The following MAPK12 variants were observed in gnomAD, a reference collection of about 807,000 sequenced individuals.
The protein encoded by MAPK12 is MAP kinase 12.
A neutral mutation model predicts 49.1 loss-of-function variants in MAPK12; 49 were observed. The ratio of observed to expected loss-of-function variants is 1.00; its 90% CI spans 0.79 to 1.27. The LOEUF is 1.27. Among genes scored for constraint, MAPK12 ranks in the 50% most tolerant of loss-of-function variants. The pLI, the probability that MAPK12 is intolerant of heterozygous loss-of-function variation, is 0.00. For synonymous variants in MAPK12, 251 were observed against 209.7 expected (o/e 1.20, Z -1.70); for missense variants, 554 against 502.4 (o/e 1.10, Z -0.98).
rs980347044 is a variant in MAPK12 at position 50,255,475 on chromosome 22, G to C, written c.828C>G (p.Ile276Met). The change falls in exon 10 of 12, where the codon ATC becomes ATG. Residue 276 changes from isoleucine to methionine, a missense_variant. By Grantham distance (10) the Ile-to-Met change is conservative. Coordinates refer to ENST00000215659, the MANE Select transcript of MAPK12 (RefSeq NM_002969.6). Reference sequence around the variant, plus strand: ...TACCCAGAGGGCTTGCATTGGTCAGGATAGAGGCAAAATCCTTCTTCTCCA... The same window carrying C: ...TACCCAGAGGGCTTGCATTGGTCAGCATAGAGGCAAAATCCTTCTTCTCCA... ...PELEKKDFAS[I>M]LTNASPLAVN... 3.1e-6 allele frequency: 5 copies of C among 1,613,072 alleles called. No individual in the cohort carries two copies. The African/African-American group carries it at 6.7e-5, about 22-fold the overall frequency.
Position 50,261,501 on chromosome 22 carries a change from A to AGAGCTCATGGCAGGCCCGG in MAPK12, c.-11_8dup (p.Pro4ArgfsTer55). 1 of 1,238,872 alleles carries AGAGCTCATGGCAGGCCCGG rather than the reference A, an allele frequency of 8.1e-7. No individual in the cohort carries two copies. Among genetic ancestry groups the AGAGCTCATGGCAGGCCCGG allele is most frequent in the Middle Eastern group, 3.0e-4 (1 of 3,380 alleles). The allele number at this position is 1,238,872 out of a possible 1,614,324, so 76.7% of individuals were successfully genotyped here. On this transcript the variant is annotated frameshift_variant, in exon 1 of 12. Coordinates refer to ENST00000215659, the MANE Select transcript of MAPK12 (RefSeq NM_002969.6). LOFTEE classifies it high-confidence loss of function. ...AAAAGCCACTGCGGGCGGGCGGCGG[A>AGAGCTCATGGCAGGCCCGG]GAGCTCATGGCAGGCCCGGGAGCTG...
In MAPK12 at chr22:50,257,628, G is replaced by C. The variant is rs1323447860; in HGVS notation, c.315-435C>G. 5.2e-6 allele frequency: 3 copies of C among 573,576 alleles called. No homozygotes were observed. In the African/African-American group the frequency reaches 5.6e-5, roughly 11 times the overall value. The allele number at this position is 573,576 out of a possible 1,614,324, so 35.5% of individuals were successfully genotyped here. A position where few individuals can be genotyped will look rare whatever the true frequency, so the allele number is the denominator to read the frequency against. The stretch of plus-strand genomic sequence containing the variant: ...GAGGGAGGTGCCTGGGGGCGATGGG[G>C]GCGCGGCAAGGCATCTGGGTCAGAG... On this transcript the variant is annotated intron_variant, in intron 3 of 11. Coordinates refer to ENST00000215659, the MANE Select transcript of MAPK12 (RefSeq NM_002969.6).
chr22:50,256,802 A>C (rs1322102282), intron 5 of MAPK12, 133 bp downstream of exon 5: 1 of 1,510,814 alleles, frequency 6.6e-7, no homozygotes, highest in Non-Finnish European at 8.9e-7. Flanking sequence ...GCACCCAGGC[A>C]GGTTCCCACC....
At chr22:50,253,503 C>CTGGCA in intron 11 of MAPK12, 23 bp from the exon 12 acceptor site, 1 of 711,942 alleles carries the variant, frequency 1.4e-6, no homozygotes, top group South Asian at 1.7e-5. Flanking sequence ...GGGGGGCGGG[C>CTGGCA]ACAACAGAGA....
chr22:50,255,784 G>A, intron 8 of MAPK12, 26 bp downstream of exon 8: 1 of 1,612,198 alleles, frequency 6.2e-7, no homozygotes, highest in African/African-American at 1.3e-5. Flanking sequence ...ACCCGCCCCT[G>A]GTGCCGCCCT....
chr22:50,257,896 C>A, intron 3 of MAPK12: 1 of 771,720 alleles, frequency 1.3e-6, no homozygotes, highest in East Asian at 2.4e-5. Flanking sequence ...GTCAGCAGCT[C>A]CAGTTACCGG....
chr22:50,255,739 C>A, intron 8 of MAPK12, 45 bp from the exon 9 acceptor site: 1 of 1,609,050 alleles, frequency 6.2e-7, no homozygotes, highest in Non-Finnish European at 8.5e-7. Context: ...GAGATCAGGG[C>A]CCCCACTGCC....
At chr22:50,259,136 G>A (rs1021696961) in intron 2 of MAPK12, among the ~76,000 whole-genome samples, 6 of 152,162 alleles carry the variant, frequency 3.9e-5, no homozygotes, top group Non-Finnish European at 7.3e-5. Flanking sequence ...TGTAGGAACC[G>A]GCCAGAGTGA....
intron 2 of MAPK12, 89 bp from the exon 3 acceptor site, chr22:50,258,390 C>T: frequency 9.1e-7 from 1 of 1,104,102 alleles, no homozygotes; most frequent in Non-Finnish European, 1.4e-6. Flanking sequence ...GGCAGGAAAC[C>T]CCCTCTGCAG....
Position 50,261,424 on chromosome 22 carries a change from TC to T in MAPK12, c.85del (p.Asp29ThrfsTer58). The stretch of plus-strand genomic sequence containing the variant: ...GGCGCCCGAGCCCACGGGCTGCAGG[TC>T]CCGGTACACGGCGCGCACCTCCCAG... ...TAWEVRAVYR[D>X]LQPVGSGAYG... On this transcript the variant is annotated frameshift_variant, in exon 1 of 12. Transcript: ENST00000215659. LOFTEE classifies it high-confidence loss of function. 8.0e-7 allele frequency: 1 copy of T among 1,257,490 alleles called. No homozygotes were observed. The allele number at this position is 1,257,490 out of a possible 1,614,324, so 77.9% of individuals were successfully genotyped here.
rs1310390804 is a variant in MAPK12 at position 50,253,329 on chromosome 22, G to A, written c.*72C>T. 8.8e-7 allele frequency: 1 copy of A among 1,135,494 alleles called. No individual in the cohort carries two copies. The highest frequency in any genetic ancestry group is 1.3e-6 in the Non-Finnish European group (1 of 768,428). The allele number at this position is 1,135,494 out of a possible 1,614,324, so 70.3% of individuals were successfully genotyped here. A position where few individuals can be genotyped will look rare whatever the true frequency, so the allele number is the denominator to read the frequency against. On this transcript the variant is annotated 3_prime_UTR_variant, in exon 12 of 12. Coordinates refer to ENST00000215659, the MANE Select transcript of MAPK12 (RefSeq NM_002969.6). ...GATGCAAGCCCCAGCCAAGGTCAAG[G>A]TGGCAACGAGAGTCCCCTCTCAGGT...
chr22:50,255,060 C>G lies in MAPK12; in HGVS notation c.1024+137G>C. On this transcript the variant is annotated intron_variant, in intron 11 of 11. Coordinates refer to ENST00000215659, the MANE Select transcript of MAPK12 (RefSeq NM_002969.6). ...CTGCACAGGGCCCACAGGGTCCACA[C>G]AGGCCCTACCCGGAGCCCCCAACTC... The G allele has an allele frequency of 4.0e-6, 6 of 1,509,240 alleles. 1 individual carries two copies. Among genetic ancestry groups the G allele is most frequent in the Non-Finnish European group, 5.3e-6 (6 of 1,129,582 alleles). 93.5% of individuals were successfully genotyped at this position (1,509,240 alleles called of 1,614,324 possible).
rs963460056 is a variant in MAPK12, at chr22:50,255,298, T to C, written c.923A>G (p.His308Arg). The change falls in exon 11 of 12, where the codon CAT becomes CGT. Residue 308 changes from histidine (H) to arginine (R), a missense_variant. Transcript: ENST00000215659. ...GTCGTGCAGGGACTCGAAGTAGGGA[T>C]GGGCCAGCGCCTCGCCTGCCGTCAC... ...QRVTAGEALA[H>R]PYFESLHDTE... The C allele has an allele frequency of 4.3e-6, 7 of 1,613,576 alleles. No homozygotes were observed. Among genetic ancestry groups the C allele is most frequent in the Non-Finnish European group, 5.9e-6 (7 of 1,180,010 alleles).
chr22:50,253,478 CA>C lies in MAPK12; in HGVS notation c.1026del (p.Val343LeufsTer35). On this transcript the variant is annotated frameshift_variant and splice_region_variant, in exon 12 of 12. Transcript: ENST00000215659. LOFTEE classifies it high-confidence loss of function. The stretch of plus-strand genomic sequence containing the variant: ...AAGCTGAGCACCTCTTTGTAAGTAA[CA>C]CCTGGCGGGGGTGGGGGGGCGGGCA... Reference protein sequence around the residue: ...DVDRTLDEWKRVTYKEVLSFK... With the variant: ...DVDRTLDEWKXVTYKEVLSFK... 2 of 627,068 alleles carry C rather than the reference CA, an allele frequency of 3.2e-6. No homozygotes were observed. Among genetic ancestry groups the C allele is most frequent in the Non-Finnish European group, 4.8e-6 (2 of 415,296 alleles). 38.8% of individuals were successfully genotyped at this position (627,068 alleles called of 1,614,324 possible).
Position 50,253,486 on chromosome 22 carries a change from GGGGGT to G in MAPK12, c.1025-11_1025-7del. On this transcript the variant is annotated splice_region_variant and splice_polypyrimidine_tract_variant and intron_variant, in intron 11 of 11. Coordinates refer to ENST00000215659, the MANE Select transcript of MAPK12 (RefSeq NM_002969.6). ...CACCTCTTTGTAAGTAACACCTGGCGGGGGTGGGGGGGCGGGCACAACAGAGAGGG... is the reference window on the plus strand; with the variant it reads ...CACCTCTTTGTAAGTAACACCTGGCGGGGGGGGCGGGCACAACAGAGAGGG... 1 of 1,086,774 alleles carries G rather than the reference GGGGGT, an allele frequency of 9.2e-7. No individual in the cohort carries two copies. Among genetic ancestry groups the G allele is most frequent in the Non-Finnish European group, 1.3e-6 (1 of 746,906 alleles). 67.3% of individuals were successfully genotyped at this position (1,086,774 alleles called of 1,614,324 possible).
Position 50,253,212 on chromosome 22 carries a change from T to C in MAPK12, c.*189A>G. ...AGAGGTCTTGTCCAGAAAGTTCAGG[T>C]GCTCCTCCATGATGGGCGCCCAAGA... On this transcript the variant is annotated 3_prime_UTR_variant, in exon 12 of 12. Coordinates refer to ENST00000215659, the MANE Select transcript of MAPK12 (RefSeq NM_002969.6). 2 of 634,204 alleles carry C rather than the reference T, an allele frequency of 3.2e-6. No homozygotes were observed. Among genetic ancestry groups the C allele is most frequent in the East Asian group, 5.6e-5 (2 of 35,944 alleles). 39.3% of individuals were successfully genotyped at this position (634,204 alleles called of 1,614,324 possible).
Position 50,261,408 on chromosome 22 carries a change from GC to G in MAPK12, c.101del (p.Gly34AlafsTer53). On this transcript the variant is annotated frameshift_variant, in exon 1 of 12. Coordinates refer to ENST00000215659, the MANE Select transcript of MAPK12 (RefSeq NM_002969.6). LOFTEE classifies it high-confidence loss of function. ...RAVYRDLQPV[G>X]SGAYGAVCSA... ...ACCACACCGCGCCGTAGGCGCCCGA[GC>G]CCACGGGCTGCAGGTCCCGGTACAC... The G allele has an allele frequency of 8.2e-7, 1 of 1,225,078 alleles. No individual in the cohort carries two copies. Among genetic ancestry groups the G allele is most frequent in the South Asian group, 1.9e-5 (1 of 52,630 alleles). The allele number at this position is 1,225,078 out of a possible 1,614,324, so 75.9% of individuals were successfully genotyped here.
In MAPK12 at chr22:50,255,228, G is replaced by A. The variant is rs774104532; in HGVS notation, c.993C>T (p.Asp331=). The stretch of plus-strand genomic sequence containing the variant: ...ATTCATCCAGTGTGCGGTCAACGTC[G>A]TCAAAGGAGTCATCATACTTCTGGA... ...PQVQKYDDSF[D]DVDRTLDEWK... is the part of the protein sequence containing the mutation. The change falls in exon 11 of 12, where the codon GAC becomes GAT. Residue 331 remains aspartate, a synonymous_variant. Coordinates refer to ENST00000215659, the MANE Select transcript of MAPK12 (RefSeq NM_002969.6). The A allele has an allele frequency of 1.2e-5, 20 of 1,613,788 alleles. No homozygotes were observed. The highest frequency in any genetic ancestry group is 1.7e-5 in the Admixed American group (1 of 60,004).
rs1384407343 is a variant in MAPK12 at position 50,261,251 on chromosome 22, CT to C, written c.170del (p.Lys57SerfsTer30). On this transcript the variant is annotated frameshift_variant, in exon 2 of 12. Coordinates refer to ENST00000215659, the MANE Select transcript of MAPK12 (RefSeq NM_002969.6). LOFTEE classifies it high-confidence loss of function. ...GCTCGGACTGGAAAGGCCGATACAGCTTCTTGATGGCCACCTTAGCGCCGGT... is the reference window on the plus strand; with the variant it reads ...GCTCGGACTGGAAAGGCCGATACAGCTCTTGATGGCCACCTTAGCGCCGGT... ...GRTGAKVAIK[K>X]LYRPFQSELF... 1 of 1,569,124 alleles carries C rather than the reference CT, an allele frequency of 6.4e-7. No homozygotes were observed. The highest frequency in any genetic ancestry group is 8.6e-7 in the Non-Finnish European group (1 of 1,159,512).
Sources: gnomAD v4.1 joint callset for allele counts (sites outside exome capture counted in the v4.1 genomes callset) on GRCh38, gnomAD v4.1.1 for gene constraint, MANE v1.5 for transcripts, NCBI Gene and HGNC (gene_info 2026-07-23, HGNC 2026-07-21) for gene names.